NCS1: variants seen among roughly 807,000 people sequenced by gnomAD.
The protein encoded by NCS1 is frequenin homolog.
NCS1 carries 6 observed loss-of-function variants against 28.4 expected under a neutral mutation model. The observed-to-expected ratio is 0.21, with a 90% confidence interval of 0.12 to 0.42. NCS1 has a LOEUF of 0.42. NCS1 is among the 10% of genes least tolerant of loss of function. The pLI is 1.00. For synonymous variants in NCS1, 86 were observed against 99.3 expected, an observed-to-expected ratio of 0.87 and a Z score of 0.79; for missense variants, 131 against 241.4, an observed-to-expected ratio of 0.54 and a Z score of 3.03.
chr9:130,178,323 C>T (rs782131427), intron 1 of NCS1, among the ~76,000 whole-genome samples: 1 of 152,254 alleles, frequency 6.6e-6, no homozygotes, highest in East Asian at 1.9e-4. Context: ...AGCCCAGCCT[C>T]CTCCTCACAG....
rs942067333 is a variant in NCS1 at position 130,186,207 on chromosome 9, G to C, written c.64+13480G>C. 2.6e-5 allele frequency among the ~76,000 whole-genome samples: 4 copies of C among 152,304 alleles called. No individual in the cohort carries two copies. The highest frequency in any genetic ancestry group is 3.4e-3 in the Middle Eastern group (1 of 292). On this transcript the variant is annotated intron_variant, in intron 1 of 7. Coordinates refer to ENST00000372398, the MANE Select transcript of NCS1 (RefSeq NM_014286.4). This position sits in a 1 kb window ranked among gnomAD's most constrained non-coding sequence, Gnocchi z 4.1. ...TGCGGATGCTGGGGCCACAGGGCAG[G>C]CTGGCTGGCTGGATTTCTGGCCCTG...
rs1211125406 is a variant in NCS1, at chr9:130,172,606, C to T, written c.-58C>T. ...GCCCGGCCCGCCCGGCCCAGCCGCT[C>T]CTGCTGGGCGCCCCAACCGGGTCCG... is the stretch of plus-strand genomic sequence containing the variant. On this transcript the variant is annotated 5_prime_UTR_variant, in exon 1 of 8. Coordinates refer to ENST00000372398, the MANE Select transcript of NCS1 (RefSeq NM_014286.4). 9.1e-7 allele frequency: 1 copy of T among 1,096,746 alleles called. No individual in the cohort carries two copies. The highest frequency in any genetic ancestry group is 1.7e-5 in the African/African-American group (1 of 59,134). 67.9% of individuals were successfully genotyped at this position (1,096,746 alleles called of 1,614,324 possible).
chr9:130,205,561 G>C (rs1233983869), intron 2 of NCS1, among the ~76,000 whole-genome samples: 4 of 149,734 alleles, frequency 2.7e-5, no homozygotes, highest in South Asian at 2.1e-4. Flanking sequence ...AAAAAGCCTG[G>C]GCACGGTGGC....
At chr9:130,228,257 C>T (rs1833445850) in intron 7 of NCS1, among the ~76,000 whole-genome samples, 1 of 151,878 alleles carries the variant, frequency 6.6e-6, no homozygotes, top group African/African-American at 2.4e-5. Flanking sequence ...ACTGCAGCCT[C>T]AACCTCCCAG....
intron 2 of NCS1, among the ~76,000 whole-genome samples, chr9:130,203,315 C>T (rs781799807): frequency 2.0e-5 from 3 of 151,960 alleles, no homozygotes; most frequent in Non-Finnish European, 2.9e-5. Flanking sequence ...GGGGTTTTGC[C>T]ATGTTGGCCA....
chr9:130,181,797 G>A lies in NCS1; in HGVS notation c.64+9070G>A, dbSNP rs535365145. Among the ~76,000 whole-genome samples the A allele has an allele frequency of 1.3e-5, 2 of 152,254 alleles. No homozygotes were observed. The highest frequency in any genetic ancestry group is 1.9e-4 in the East Asian group (1 of 5,164). ...CGTGGGCAAGTCCCGATTCACGTGG[G>A]CACGCTCCGAGCGTGAGTGACGGGG... On this transcript the variant is annotated intron_variant, in intron 1 of 7. Coordinates refer to ENST00000372398, the MANE Select transcript of NCS1 (RefSeq NM_014286.4). The surrounding 1 kb of genome is among the most constrained non-coding windows in gnomAD (Gnocchi z 5.0).
intron 2 of NCS1, among the ~76,000 whole-genome samples, chr9:130,205,140 G>C (rs1455091070): frequency 6.6e-6 from 1 of 152,086 alleles, no homozygotes; most frequent in East Asian, 1.9e-4. Flanking sequence ...CTGGAATTCT[G>C]ACATTTGAGC....
rs1671621404 is a variant in NCS1 at position 130,192,331 on chromosome 9, C to T, written c.65-8627C>T. On this transcript the variant is annotated intron_variant, in intron 1 of 7. Coordinates refer to ENST00000372398, the MANE Select transcript of NCS1 (RefSeq NM_014286.4). The surrounding 1 kb of genome is among the most constrained non-coding windows in gnomAD (Gnocchi z 4.8). ...TTAGAGAAGAGGCTGCCGCCCTTGTCCAAGGTCGAGGGTTAATGAGTCTGG... is the reference window on the plus strand; with the variant it reads ...TTAGAGAAGAGGCTGCCGCCCTTGTTCAAGGTCGAGGGTTAATGAGTCTGG... Among the ~76,000 whole-genome samples, 1 of 152,124 alleles carries T rather than the reference C, an allele frequency of 6.6e-6. No individual in the cohort carries two copies. The highest frequency in any genetic ancestry group is 1.5e-5 in the Non-Finnish European group (1 of 68,022).
intron 2 of NCS1, among the ~76,000 whole-genome samples, chr9:130,214,278 C>T (rs1833154874): frequency 6.6e-6 from 1 of 152,182 alleles, no homozygotes; most frequent in South Asian, 2.1e-4. Flanking sequence ...TAAGCTGGGG[C>T]CTGGCGGGAG....
chr9:130,187,175 C>G (rs372613349), intron 1 of NCS1, among the ~76,000 whole-genome samples: 1 of 152,110 alleles, frequency 6.6e-6, no homozygotes, highest in Non-Finnish European at 1.5e-5. Flanking sequence ...ACCTGGGAGA[C>G]GGGGGGCCCT....
chr9:130,185,228 C>G (rs781791048), intron 1 of NCS1, among the ~76,000 whole-genome samples: 42 of 152,238 alleles, frequency 2.8e-4, no homozygotes, highest in Non-Finnish European at 5.6e-4. Flanking sequence ...CTGTGAGGAC[C>G]GACTGCATCT....
chr9:130,193,346 C>A (rs782250669), intron 1 of NCS1, among the ~76,000 whole-genome samples: 2 of 151,898 alleles, frequency 1.3e-5, no homozygotes, highest in Non-Finnish European at 2.9e-5. Context: ...ATGCTGGCAG[C>A]TGCAGGTGGG....
chr9:130,174,726 G>A (rs10819608), intron 1 of NCS1, among the ~76,000 whole-genome samples: 24,358 of 149,342 alleles, frequency 0.16, 2,690 homozygotes, highest in East Asian at 0.6. Context: ...CAGGAGAATC[G>A]CTTGAACCTG....
chr9:130,222,550 G>A, intron 4 of NCS1, 100 bp from the exon 5 acceptor site: 1 of 929,524 alleles, frequency 1.1e-6, no homozygotes, highest in Non-Finnish European at 1.8e-6. Flanking sequence ...GGGCCATCCG[G>A]TCGCTGACTT....
intron 6 of NCS1, among the ~76,000 whole-genome samples, chr9:130,224,392 A>AC (rs1554911097): frequency 3.3e-5 from 2 of 60,148 alleles, no homozygotes; most frequent in Non-Finnish European, 7.3e-5. Context: ...ACGCAGTCTC[A>AC]AAAAAAAAAA....
Position 130,172,533 on chromosome 9 carries a change from A to T in NCS1, c.-131A>T. 3.7e-6 allele frequency: 1 copy of T among 270,368 alleles called. No individual in the cohort carries two copies. Among genetic ancestry groups the T allele is most frequent in the Non-Finnish European group, 5.5e-6 (1 of 182,644 alleles). 16.7% of individuals were successfully genotyped at this position (270,368 alleles called of 1,614,324 possible). ...CCACGCCCCGGGCGCCCCGGCGCCG[A>T]CAGCCGCGCAGCGCAGCGCGGGCGC... On this transcript the variant is annotated 5_prime_UTR_variant, in exon 1 of 8. Transcript: ENST00000372398.
chr9:130,179,652 C>T (rs905439218), intron 1 of NCS1, among the ~76,000 whole-genome samples: 4 of 152,192 alleles, frequency 2.6e-5, no homozygotes, highest in South Asian at 2.1e-4. Flanking sequence ...GAGAGAGTGC[C>T]TATTTCTCTG....
At chr9:130,205,417 A>C (rs1291517678) in intron 2 of NCS1, among the ~76,000 whole-genome samples, 1 of 151,696 alleles carries the variant, frequency 6.6e-6, no homozygotes, top group African/African-American at 2.4e-5. Flanking sequence ...TTAGGGATGC[A>C]CCTATAGTCC....
chr9:130,218,943 T>G (rs963116505), intron 3 of NCS1, among the ~76,000 whole-genome samples: 2 of 152,164 alleles, frequency 1.3e-5, no homozygotes, highest in African/African-American at 4.8e-5. Flanking sequence ...GCTGGGTATT[T>G]TAATACCCAT....
Sources: allele counts gnomAD v4.1 joint callset (sites outside exome capture counted in the v4.1 genomes callset), GRCh38; gene constraint gnomAD v4.1.1; non-coding constraint Gnocchi (gnomAD v3.1); transcripts MANE v1.5; gene names NCBI Gene and HGNC (gene_info 2026-07-23, HGNC 2026-07-21).